GAB3: variants seen among roughly 807,000 people sequenced by gnomAD.
GAB3 encodes the protein GRB2 associated binding protein 3, also known as GRB2-associated-binding protein 3.
A neutral mutation model predicts 40.4 loss-of-function variants in GAB3; 12 were observed. That is an observed-to-expected ratio of 0.30 (90% CI 0.19 to 0.48). The LOEUF (loss-of-function observed/expected upper bound fraction) is 0.48, where lower values mean the gene tolerates loss of function less well. Ranked by LOEUF, GAB3 falls within the 20% of genes least tolerant of loss-of-function variation. The pLI, the probability that GAB3 is intolerant of heterozygous loss-of-function variation, is 0.99. For synonymous variants in GAB3, 154 were observed against 176.7 expected, an observed-to-expected ratio of 0.87 and a Z score of 1.02; for missense variants, 381 against 461.9, an observed-to-expected ratio of 0.82 and a Z score of 1.61.
In GAB3 at chrX:154,712,586, G is replaced by A. The variant is rs17281349; in HGVS notation, c.712C>T (p.Pro238Ser). 0.056 allele frequency: 64,467 copies of A among 1,148,007 alleles called. 1,440 individuals carry two copies. Among genetic ancestry groups the A allele is most frequent in the Non-Finnish European group, 0.064 (55,856 of 866,032 alleles). The allele number at this position is 1,148,007 out of a possible 1,213,427, so 94.6% of individuals were successfully genotyped here. A position where few individuals can be genotyped will look rare whatever the true frequency, so the allele number is the denominator to read the frequency against. The change falls in exon 4 of 10, where the codon CCC becomes TCC. Residue 238 changes from proline to serine, a missense_variant. By Grantham distance (74) the Pro-to-Ser change is moderately conservative. This residue lies in a region of GAB3 where 364 missense variants were observed against 421.0 expected (regional missense o/e 0.86). Transcript: ENST00000424127. ...QPLPSSHLVH[P>S]SCHGSGAQEV... ...TGAGCTCCACTGCCATGGCATGAGG[G>A]GTGGACCAAATGACTGGAGGGGAGC...
chrX:154,736,857 T>C (rs2071371037), intron 1 of GAB3, among the ~76,000 whole-genome samples: 1 of 112,336 alleles, frequency 8.9e-6, no homozygotes, highest in South Asian at 3.7e-4. Context: ...AACACACACT[T>C]CAGGCCCTAA....
At chrX:154,729,073 C>T (rs1400906690) in intron 1 of GAB3, among the ~76,000 whole-genome samples, 6 of 111,497 alleles carry the variant, frequency 5.4e-5, no homozygotes, top group East Asian at 2.8e-4. Flanking sequence ...TGCTAGATGG[C>T]GACACTGAGG....
intron 2 of GAB3, among the ~76,000 whole-genome samples, chrX:154,713,834 G>A (rs1462792306): frequency 1.2e-5 from 1 of 85,411 alleles, no homozygotes; most frequent in Non-Finnish European, 2.3e-5. Flanking sequence ...GTGCATATAT[G>A]TATGTATACC....
chrX:154,691,864 T>C (rs1181343198), intron 8 of GAB3, among the ~76,000 whole-genome samples: 3 of 111,745 alleles, frequency 2.7e-5, no homozygotes, highest in African/African-American at 6.5e-5. Flanking sequence ...CATATATTGA[T>C]TTTCAACGAG....
Position 154,711,187 on chromosome X carries a change from C to A in GAB3, c.1069+1042G>T, listed in dbSNP as rs187689631. Among the ~76,000 whole-genome samples, 785 of 111,129 alleles carry A rather than the reference C, an allele frequency of 7.1e-3. 5 individuals carry two copies. The highest frequency in any genetic ancestry group is 0.024 in the African/African-American group (739 of 30,472). On this transcript the variant is annotated intron_variant, in intron 4 of 9. Coordinates refer to ENST00000424127, the MANE Select transcript of GAB3 (RefSeq NM_001081573.3). ...TTTCCATAATTCCTTGAAAACATGG[C>A]CTAAATAAGTAGTGATGTGTGGGTG... is the stretch of plus-strand genomic sequence containing the variant.
At chrX:154,699,144 T>C (rs2070702848) in intron 6 of GAB3, 150 bp downstream of exon 6, 1 of 494,805 alleles carries the variant, frequency 2.0e-6, no homozygotes, top group African/African-American at 2.4e-5. Context: ...CAGCCCTTCC[T>C]ATTCCAACCC....
chrX:154,688,965 A>C (rs1382794355), intron 8 of GAB3, among the ~76,000 whole-genome samples: 1 of 111,482 alleles, frequency 9.0e-6, no homozygotes, highest in Non-Finnish European at 1.9e-5. Flanking sequence ...ACAACAAAAA[A>C]AGAGAATTTT....
intron 8 of GAB3, among the ~76,000 whole-genome samples, chrX:154,681,202 C>T (rs782232158): frequency 1.8e-5 from 2 of 112,031 alleles, no homozygotes; most frequent in South Asian, 7.4e-4. Flanking sequence ...CCAATCTACA[C>T]GTGTACCAGG....
At chrX:154,740,757 A>G (rs1038722836) in intron 1 of GAB3, among the ~76,000 whole-genome samples, 2 of 112,107 alleles carry the variant, frequency 1.8e-5, no homozygotes, top group South Asian at 7.5e-4. Flanking sequence ...CCATAACAGG[A>G]AAGAATTAAA....
At chrX:154,686,744 A>G (rs960497122) in intron 8 of GAB3, among the ~76,000 whole-genome samples, 1 of 109,960 alleles carries the variant, frequency 9.1e-6, no homozygotes, top group Non-Finnish European at 1.9e-5. Flanking sequence ...TCATATTTCT[A>G]TATACCACCA....
chrX:154,683,537 G>A (rs999236232), intron 8 of GAB3, among the ~76,000 whole-genome samples: 21 of 111,764 alleles, frequency 1.9e-4, no homozygotes, highest in African/African-American at 6.5e-4. Context: ...TCCATGGAGT[G>A]AGGGAAGGGA....
intron 1 of GAB3, among the ~76,000 whole-genome samples, chrX:154,749,438 C>T (rs1226495609): frequency 1.1e-4 from 12 of 112,795 alleles, no homozygotes; most frequent in African/African-American, 3.9e-4. Flanking sequence ...GCAAGCACTA[C>T]TGTGTGACAA....
chrX:154,741,884 G>A (rs916532910), intron 1 of GAB3, among the ~76,000 whole-genome samples: 23 of 110,422 alleles, frequency 2.1e-4, no homozygotes, highest in South Asian at 3.9e-4. Context: ...AGATTCACTC[G>A]ATAGCATGAG....
At chrX:154,696,111 G>T in intron 7 of GAB3, 92 bp from the exon 8 acceptor site, 1 of 458,436 alleles carries the variant, frequency 2.2e-6, no homozygotes, top group South Asian at 5.1e-5. Flanking sequence ...TGGGGTTTCA[G>T]CCCTCCTCTT....
chrX:154,687,696 C>G (rs1043047748), intron 8 of GAB3, among the ~76,000 whole-genome samples: 1 of 105,061 alleles, frequency 9.5e-6, no homozygotes, highest in Admixed American at 1.0e-4. Flanking sequence ...GAACATCTGA[C>G]TCTAATTATA....
intron 1 of GAB3, among the ~76,000 whole-genome samples, chrX:154,746,007 G>A (rs112386619): frequency 0.077 from 7,964 of 102,893 alleles, 356 homozygotes; most frequent in African/African-American, 0.15. Context: ...AGCCAAGATC[G>A]TGCCACTGCA....
At chrX:154,693,825 C>G (rs2070608948) in intron 8 of GAB3, among the ~76,000 whole-genome samples, 2 of 111,266 alleles carry the variant, frequency 1.8e-5, no homozygotes, top group African/African-American at 6.5e-5. Flanking sequence ...ACTATAAAAG[C>G]CTTACAAAGC....
intron 1 of GAB3, among the ~76,000 whole-genome samples, chrX:154,742,838 G>A (rs999066239): frequency 9.1e-6 from 1 of 110,125 alleles, no homozygotes; most frequent in Non-Finnish European, 1.9e-5. Flanking sequence ...ATAGGAGTGA[G>A]GAGTGACTGC....
intron 8 of GAB3, among the ~76,000 whole-genome samples, chrX:154,686,917 C>T (rs372061066): frequency 2.7e-5 from 3 of 111,432 alleles, no homozygotes; most frequent in South Asian, 3.8e-4. Flanking sequence ...GAGCCAGGCG[C>T]GATGGCTCAT....
Sources: allele counts gnomAD v4.1 joint callset (sites outside exome capture counted in the v4.1 genomes callset), GRCh38; gene constraint gnomAD v4.1.1; regional missense constraint gnomAD v4.1.1; transcripts MANE v1.5; gene names NCBI Gene and HGNC (gene_info 2026-07-23, HGNC 2026-07-21).